Variants in DCLK2 observed in about 807,000 individuals in gnomAD.
The protein encoded by DCLK2 is doublecortin like kinase 2, also known as serine/threonine-protein kinase DCLK2.
A neutral mutation model predicts 78.4 loss-of-function variants in DCLK2; 31 were observed. The ratio of observed to expected loss-of-function variants is 0.40; its 90% confidence interval spans 0.30 to 0.53. The LOEUF (loss-of-function observed/expected upper bound fraction) is 0.53, where lower values mean the gene tolerates loss of function less well. DCLK2 is among the 20% of genes least tolerant of loss of function. DCLK2 has a pLI of 0.61. For synonymous variants in DCLK2, 407 were observed against 374.9 expected (o/e 1.09, Z -0.99); for missense variants, 872 against 973.7 (o/e 0.90, Z 1.39).
chr4:150,192,196 T>G (rs1242407727), intron 2 of DCLK2, among the ~76,000 whole-genome samples: 1 of 152,012 alleles, frequency 6.6e-6, no homozygotes, highest in Non-Finnish European at 1.5e-5. Context: ...GAATGTGAAA[T>G]TGGGCTGGGC....
intron 6 of DCLK2, 60 bp downstream of exon 6, chr4:150,220,838 C>A: frequency 7.7e-7 from 1 of 1,306,006 alleles, no homozygotes; most frequent in Non-Finnish European, 1.1e-6. Flanking sequence ...ACTTGGTGCT[C>A]ACCTAAAACT....
rs138628039 is a variant in DCLK2 at position 150,170,340 on chromosome 4, G to A, written c.757-22798G>A. On this transcript the variant is annotated intron_variant, in intron 2 of 15. Transcript: ENST00000296550. ...ATTATAGGCATGAGCCACCATGCCC[G>A]GCCAGTTTTTTTTTAAAAGAAAGAA... Among the ~76,000 whole-genome samples the A allele has an allele frequency of 5.8e-3, 879 of 152,112 alleles. 8 individuals carry two copies. The highest frequency in any genetic ancestry group is 0.02 in the African/African-American group (827 of 41,500).
intron 2 of DCLK2, among the ~76,000 whole-genome samples, chr4:150,122,897 A>G (rs867419664): frequency 1.1e-4 from 16 of 152,214 alleles, no homozygotes; most frequent in South Asian, 2.1e-4. Flanking sequence ...CTTAAACCTC[A>G]TGAACCAACT....
intron 2 of DCLK2, among the ~76,000 whole-genome samples, chr4:150,139,471 T>G (rs1733960379): frequency 6.6e-6 from 1 of 152,206 alleles, no homozygotes; most frequent in African/African-American, 2.4e-5. Flanking sequence ...TGACTGTTCC[T>G]TGGTTAGCCA....
In DCLK2 at chr4:150,203,745, T is replaced by C. The variant is rs371775519; in HGVS notation, c.962-50T>C. The stretch of plus-strand genomic sequence containing the variant: ...ACCTAGTGTATTTATACAGTCTGGT[T>C]GTTGTGGGTTTTAATGGGACTTCTG... On this transcript the variant is annotated intron_variant, in intron 4 of 15. Transcript: ENST00000296550. The C allele has an allele frequency of 3.5e-5, 51 of 1,448,646 alleles. No individual in the cohort carries two copies. In the African/African-American group the frequency reaches 6.3e-4, roughly 18 times the overall value. The allele number at this position is 1,448,646 out of a possible 1,614,324, so 89.7% of individuals were successfully genotyped here.
chr4:150,232,444 G>A lies in DCLK2; in HGVS notation c.1407G>A (p.Met469Ile), dbSNP rs1163370264. Reference protein sequence around the residue: ...METATELFLVMELVKGGDLFD... With the variant: ...METATELFLVIELVKGGDLFD... ...CAGCAACTGAGCTCTTTCTGGTGAT[G>A]GAATTGGTCAAAGTAAGAGGATAGA... Residue 469 changes from methionine (M) to isoleucine (I), a missense_variant, in exon 9 of 16, where the codon ATG becomes ATA. By Grantham distance (10) the Met-to-Ile change is conservative (BLOSUM62 1). This residue lies in a region of DCLK2 where 567 missense variants were observed against 593.4 expected (regional missense o/e 0.96). Coordinates refer to ENST00000296550, the MANE Select transcript of DCLK2 (RefSeq NM_001040260.4). The A allele has an allele frequency of 6.2e-7, 1 of 1,613,940 alleles. No homozygotes were observed. The highest frequency in any genetic ancestry group is 8.5e-7 in the Non-Finnish European group (1 of 1,179,968).
chr4:150,212,631 A>G (rs1324381633), intron 5 of DCLK2, among the ~76,000 whole-genome samples: 2 of 152,212 alleles, frequency 1.3e-5, no homozygotes, highest in African/African-American at 4.8e-5. Flanking sequence ...TGCATCTCAC[A>G]CTTTGAGGAC....
intron 2 of DCLK2, among the ~76,000 whole-genome samples, chr4:150,169,379 C>T (rs1374911508): frequency 6.6e-6 from 1 of 152,222 alleles, no homozygotes; most frequent in Non-Finnish European, 1.5e-5. Context: ...GGTTCAGAGG[C>T]CTGGTGCAGT....
chr4:150,145,910 C>G (rs1734436944), intron 2 of DCLK2, among the ~76,000 whole-genome samples: 1 of 152,192 alleles, frequency 6.6e-6, no homozygotes, highest in African/African-American at 2.4e-5. Flanking sequence ...AGAGAATATT[C>G]TACCAAAAAC....
rs144695699 is a variant in DCLK2, at chr4:150,234,000, C to T, written c.1566+1172C>T. On this transcript the variant is annotated intron_variant, in intron 10 of 15. Transcript: ENST00000296550. ...TATTTCCACCTTTCAGGGCTCTCAT[C>T]CTCATTCCTGCTTGGGAGGCAAGCT... Among the ~76,000 whole-genome samples, 378 of 152,272 alleles carry T rather than the reference C, an allele frequency of 2.5e-3. 3 individuals carry two copies. The highest frequency in any genetic ancestry group is 8.6e-3 in the African/African-American group (356 of 41,558).
intron 2 of DCLK2, among the ~76,000 whole-genome samples, chr4:150,157,877 C>A (rs1390776954): frequency 2.0e-5 from 3 of 152,134 alleles, no homozygotes; most frequent in African/African-American, 7.2e-5. Context: ...GATCTGCCTG[C>A]CTCAGCCTCC....
At chr4:150,089,988 T>G (rs1321591780) in intron 1 of DCLK2, among the ~76,000 whole-genome samples, 4 of 152,222 alleles carry the variant, frequency 2.6e-5, no homozygotes, top group African/African-American at 9.6e-5. Context: ...TCCACTTCCC[T>G]TTTTCCTTGT....
At chr4:150,158,371 G>C (rs1735470009) in intron 2 of DCLK2, among the ~76,000 whole-genome samples, 1 of 152,264 alleles carries the variant, frequency 6.6e-6, no homozygotes, top group Middle Eastern at 3.4e-3. Context: ...AGAGGGTAGG[G>C]CTTCAACATA....
At chr4:150,150,399 T>C (rs904910679) in intron 2 of DCLK2, among the ~76,000 whole-genome samples, 3 of 152,112 alleles carry the variant, frequency 2.0e-5, no homozygotes, top group Non-Finnish European at 4.4e-5. Context: ...GGGACAGTAA[T>C]ACCTACCTCA....
At chr4:150,144,851 G>T (rs1560809381) in intron 2 of DCLK2, among the ~76,000 whole-genome samples, 1 of 152,236 alleles carries the variant, frequency 6.6e-6, no homozygotes, top group Non-Finnish European at 1.5e-5. Flanking sequence ...CTCCCAAAGT[G>T]CTGGGATTAT....
chr4:150,255,283 G>A (rs1744476289), intron 15 of DCLK2, among the ~76,000 whole-genome samples: 2 of 152,220 alleles, frequency 1.3e-5, no homozygotes, highest in Non-Finnish European at 2.9e-5. Context: ...TGAGATGGCA[G>A]CTTGATGGGC....
At chr4:150,187,381 T>G (rs1436109322) in intron 2 of DCLK2, among the ~76,000 whole-genome samples, 1 of 152,192 alleles carries the variant, frequency 6.6e-6, no homozygotes. Context: ...TCTTTAATGA[T>G]CTTTCCACAG....
intron 1 of DCLK2, among the ~76,000 whole-genome samples, chr4:150,080,821 C>G (rs535618489): frequency 3.3e-5 from 5 of 152,168 alleles, no homozygotes; most frequent in Non-Finnish European, 7.3e-5. Context: ...GCCTAGAACG[C>G]GACCCAGCCA....
intron 2 of DCLK2, among the ~76,000 whole-genome samples, chr4:150,132,607 C>T (rs193018770): frequency 1.2e-4 from 19 of 152,052 alleles, no homozygotes; most frequent in East Asian, 5.8e-4. Flanking sequence ...TTTTTAAAGA[C>T]GGGGTTTTGC....
Sources: gnomAD v4.1 joint callset for allele counts (sites outside exome capture counted in the v4.1 genomes callset) on GRCh38, gnomAD v4.1.1 for gene constraint, gnomAD v4.1.1 regional missense constraint, MANE v1.5 for transcripts, NCBI Gene and HGNC (gene_info 2026-07-23, HGNC 2026-07-21) for gene names.